MIPOL1: variants seen among roughly 807,000 people sequenced by gnomAD.
MIPOL1 encodes the protein mirror-image polydactyly 1.
In MIPOL1, 57 loss-of-function variants were observed where a neutral mutation model predicts 60.9. The ratio of observed to expected loss-of-function variants is 0.94; its 90% CI spans 0.76 to 1.17. The LOEUF (loss-of-function observed/expected upper bound fraction) is 1.17. MIPOL1 is among the 50% of genes most tolerant of loss of function. MIPOL1 has a pLI of 0.00. For synonymous variants in MIPOL1, 179 were observed against 168.8 expected (o/e 1.06, Z -0.47); for missense variants, 551 against 511.6 (o/e 1.08, Z -0.74).
chr14:37,201,455 G>C (rs968055414), intron 1 of MIPOL1, among the ~76,000 whole-genome samples: 9 of 152,152 alleles, frequency 5.9e-5, no homozygotes, highest in African/African-American at 2.2e-4. Flanking sequence ...GAAAGAAAAG[G>C]ATGAATGTCT....
chr14:37,473,506 G>T (rs11156956), intron 11 of MIPOL1, among the ~76,000 whole-genome samples: 20,261 of 152,006 alleles, frequency 0.13, 1,411 homozygotes, highest in South Asian at 0.27. Context: ...AATTTGGTTA[G>T]CCAAATTCAG....
At chr14:37,315,342 T>A (rs530499553) in intron 9 of MIPOL1, among the ~76,000 whole-genome samples, 6 of 152,308 alleles carry the variant, frequency 3.9e-5, no homozygotes, top group African/African-American at 1.2e-4. Context: ...AAGATACTTA[T>A]AAGTGATAAG....
At chr14:37,342,196 T>C (rs1424804814) in intron 9 of MIPOL1, among the ~76,000 whole-genome samples, 1 of 151,908 alleles carries the variant, frequency 6.6e-6, no homozygotes, top group Non-Finnish European at 1.5e-5. Context: ...ACCCCATCTC[T>C]AGTAAAAATA....
In MIPOL1 at chr14:37,509,765, ATGTT is replaced by A. The variant is rs374283787; in HGVS notation, c.1262+9631_1262+9634del. Among the ~76,000 whole-genome samples the A allele has an allele frequency of 2.5e-3, 375 of 151,330 alleles. 1 individual carries two copies. Among genetic ancestry groups the A allele is most frequent in the Non-Finnish European group, 4.3e-3 (293 of 67,860 alleles). Reference sequence around the variant, plus strand: ...ATGCACATGTGATACACATACATGTATGTTTGTGTGTATATACATGTATGTATAT... The same window carrying A: ...ATGCACATGTGATACACATACATGTATGTGTGTATATACATGTATGTATAT... On this transcript the variant is annotated intron_variant, in intron 12 of 12. Coordinates refer to ENST00000684589, the MANE Select transcript of MIPOL1 (RefSeq NM_001388067.1).
chr14:37,369,018 A>G (rs896361813), intron 9 of MIPOL1, among the ~76,000 whole-genome samples: 3 of 152,004 alleles, frequency 2.0e-5, no homozygotes, highest in African/African-American at 7.2e-5. Flanking sequence ...CTCTTTGGCT[A>G]TTGCTTTTTT....
chr14:37,309,102 T>TTTTATTTATTTATTTA (rs59311227), intron 9 of MIPOL1, among the ~76,000 whole-genome samples: 44 of 142,784 alleles, frequency 3.1e-4, no homozygotes, highest in African/African-American at 9.9e-4. Context: ...TTTCTTGTTA[T>TTTTATTTATTTATTTA]TTTATTTATT....
chr14:37,267,597 T>G (rs575374687), intron 4 of MIPOL1, among the ~76,000 whole-genome samples: 1 of 152,170 alleles, frequency 6.6e-6, no homozygotes, highest in Non-Finnish European at 1.5e-5. Flanking sequence ...TCTAAACTTA[T>G]TAGAACTTGG....
chr14:37,445,615 G>A (rs1231679424), intron 11 of MIPOL1, among the ~76,000 whole-genome samples: 18 of 151,736 alleles, frequency 1.2e-4, no homozygotes, highest in Non-Finnish European at 2.5e-4. Flanking sequence ...GCATCGCCAA[G>A]TCAATCCTAA....
intron 11 of MIPOL1, among the ~76,000 whole-genome samples, chr14:37,454,422 C>T (rs1430277102): frequency 3.3e-5 from 5 of 152,172 alleles, no homozygotes; most frequent in African/African-American, 9.7e-5. Flanking sequence ...TTTTGGCAGT[C>T]CTTTTATATT....
intron 11 of MIPOL1, among the ~76,000 whole-genome samples, chr14:37,431,571 T>TTTTC (rs1335752631): frequency 4.4e-4 from 43 of 97,166 alleles, no homozygotes; most frequent in African/African-American, 1.7e-3. Flanking sequence ...CTCTGTTTCT[T>TTTTC]TTTTTTTTTT....
At chr14:37,521,902 A>T (rs12894976) in intron 12 of MIPOL1, among the ~76,000 whole-genome samples, 1 of 62,224 alleles carries the variant, frequency 1.6e-5, no homozygotes, top group African/African-American at 6.7e-5. Flanking sequence ...AAATATATAT[A>T]TATATATATT....
chr14:37,523,262 A>T (rs2095425753), intron 12 of MIPOL1, among the ~76,000 whole-genome samples: 1 of 152,146 alleles, frequency 6.6e-6, no homozygotes, highest in Non-Finnish European at 1.5e-5. Context: ...TAGCTTTGAT[A>T]CTGTTTTGTG....
chr14:37,464,148 C>G (rs960392369), intron 11 of MIPOL1, among the ~76,000 whole-genome samples: 1 of 152,190 alleles, frequency 6.6e-6, no homozygotes, highest in African/African-American at 2.4e-5. Context: ...CCACTATACA[C>G]TTTTCGTGGG....
chr14:37,359,534 T>C (rs1209611502), intron 9 of MIPOL1, among the ~76,000 whole-genome samples: 1 of 152,168 alleles, frequency 6.6e-6, no homozygotes, highest in African/African-American at 2.4e-5. Context: ...GTAGTTCTTC[T>C]TGAAGAGGTC....
intron 7 of MIPOL1, among the ~76,000 whole-genome samples, chr14:37,295,274 A>G (rs984206050): frequency 6.6e-6 from 1 of 152,226 alleles, no homozygotes; most frequent in Non-Finnish European, 1.5e-5. Context: ...TGTCACCACC[A>G]TGCCTGCTCT....
chr14:37,303,703 C>A (rs1370020352), intron 7 of MIPOL1, among the ~76,000 whole-genome samples: 1 of 151,804 alleles, frequency 6.6e-6, no homozygotes, highest in Non-Finnish European at 1.5e-5. Context: ...CTTTTTAATT[C>A]ATTCAGTAAA....
At chr14:37,488,631 G>A (rs2094991929) in intron 11 of MIPOL1, among the ~76,000 whole-genome samples, 1 of 151,956 alleles carries the variant, frequency 6.6e-6, no homozygotes, top group African/African-American at 2.4e-5. Context: ...AGGCACACCT[G>A]GTGATGACAA....
chr14:37,339,252 T>C (rs1302632284), intron 9 of MIPOL1, among the ~76,000 whole-genome samples: 2 of 152,206 alleles, frequency 1.3e-5, no homozygotes, highest in Non-Finnish European at 2.9e-5. Flanking sequence ...AATTTAAATA[T>C]GCTACTACAT....
chr14:37,438,092 G>A (rs914059099), intron 11 of MIPOL1, among the ~76,000 whole-genome samples: 4 of 151,920 alleles, frequency 2.6e-5, no homozygotes, highest in Admixed American at 6.6e-5. Context: ...CTTAGATTTG[G>A]CCCTTTTTGA....
Sources: allele counts gnomAD v4.1 joint callset (sites outside exome capture counted in the v4.1 genomes callset), GRCh38; gene constraint gnomAD v4.1.1; transcripts MANE v1.5; gene names NCBI Gene and HGNC (gene_info 2026-07-23, HGNC 2026-07-21).